Variants in LATS2 observed in about 807,000 individuals in gnomAD.
LATS2 encodes serine/threonine-protein kinase LATS2.
A neutral mutation model predicts 76.0 loss-of-function variants in LATS2; 24 were observed. The ratio of observed to expected loss-of-function variants is 0.32; its 90% CI spans 0.23 to 0.44. The LOEUF (loss-of-function observed/expected upper bound fraction) is 0.44, where lower values mean the gene tolerates loss of function less well. Among genes scored for constraint, LATS2 ranks in the 20% least tolerant of loss-of-function variants. LATS2 has a pLI of 1.00. For missense variants in LATS2, 1,286 were observed against 1,481.2 expected, an observed-to-expected ratio of 0.87 and a Z score of 2.16; for synonymous variants, 692 against 635.4, an observed-to-expected ratio of 1.09 and a Z score of -1.34.
intron 2 of LATS2, among the ~76,000 whole-genome samples, chr13:21,008,098 G>A (rs1483076277): frequency 1.3e-5 from 2 of 151,972 alleles, no homozygotes; most frequent in African/African-American, 2.4e-5. Context: ...GCTCCACCGT[G>A]GGGAGCCAGG....
chr13:21,058,711 A>C (rs1261221892), intron 1 of LATS2, among the ~76,000 whole-genome samples: 2 of 152,346 alleles, frequency 1.3e-5, no homozygotes, highest in Admixed American at 6.5e-5. Flanking sequence ...CAGATACCTT[A>C]AACTGCCTGA....
intron 2 of LATS2, among the ~76,000 whole-genome samples, chr13:21,042,665 C>T (rs1218319924): frequency 6.6e-6 from 1 of 152,060 alleles, no homozygotes; most frequent in African/African-American, 2.4e-5. Flanking sequence ...CCAGACTGTA[C>T]AACAGAGCAA....
chr13:21,029,126 A>T (rs1872424808), intron 2 of LATS2, among the ~76,000 whole-genome samples: 1 of 152,188 alleles, frequency 6.6e-6, no homozygotes. Context: ...CAGAAGATGA[A>T]AGAGGACATC....
At chr13:21,007,699 A>ATATATATATAGTGT (rs1173839566) in intron 2 of LATS2, among the ~76,000 whole-genome samples, 2 of 586 alleles carry the variant, frequency 3.4e-3, no homozygotes, top group Non-Finnish European at 9.0e-3. Flanking sequence ...ATATATATAT[A>ATATATATATAGTGT]GTATGTATAT....
intron 1 of LATS2, among the ~76,000 whole-genome samples, chr13:21,047,446 A>T (rs1269084690): frequency 2.6e-5 from 4 of 152,234 alleles, no homozygotes; most frequent in Non-Finnish European, 4.4e-5. Flanking sequence ...CTGGTGGGAA[A>T]GGCAGGGCCA....
intron 2 of LATS2, among the ~76,000 whole-genome samples, chr13:21,029,593 C>A (rs1419235524): frequency 6.6e-6 from 1 of 151,960 alleles, no homozygotes; most frequent in African/African-American, 2.4e-5. Context: ...GAGTTCGAGA[C>A]CAGCCTGGCC....
intron 1 of LATS2, among the ~76,000 whole-genome samples, chr13:21,050,125 C>T (rs8001415): frequency 0.039 from 2,729 of 70,174 alleles, 489 homozygotes; most frequent in African/African-American, 0.11. Flanking sequence ...GTCTCATAGA[C>T]AGATAGATAG....
intron 5 of LATS2, 25 bp downstream of exon 5, chr13:20,983,199 G>A (rs550073541): frequency 1.2e-4 from 186 of 1,516,740 alleles, no homozygotes; most frequent in South Asian, 8.1e-4. Context: ...CATAGAAAGT[G>A]CATGTGGCAC....
At chr13:21,041,642 C>G (rs1872885715) in intron 2 of LATS2, among the ~76,000 whole-genome samples, 1 of 152,146 alleles carries the variant, frequency 6.6e-6, no homozygotes, top group African/African-American at 2.4e-5. Context: ...AGGTCATCCA[C>G]AGAGAAAAAG....
intron 2 of LATS2, among the ~76,000 whole-genome samples, chr13:21,008,102 A>C (rs1871431571): frequency 6.6e-6 from 1 of 151,876 alleles, no homozygotes. Context: ...CACCGTGGGG[A>C]GCCAGGTATG....
chr13:21,050,604 C>T (rs73445508), intron 1 of LATS2, among the ~76,000 whole-genome samples: 3,375 of 152,282 alleles, frequency 0.022, 105 homozygotes, highest in African/African-American at 0.074. Flanking sequence ...ACTTATGCAT[C>T]CATTCTACCT....
rs1191434405 is a variant in LATS2, at chr13:20,973,154, G to C, written c.*1716C>G. On this transcript the variant is annotated 3_prime_UTR_variant, in exon 8 of 8. Transcript: ENST00000382592. ...GAAAGAACCTACCACATGAAAGTAT[G>C]TCAGAGCGCTGTGAGTAACAACATG... 4.3e-6 allele frequency: 1 copy of C among 232,404 alleles called. No homozygotes were observed. The highest frequency in any genetic ancestry group is 6.1e-5 in the East Asian group (1 of 16,394). 14.4% of individuals were successfully genotyped at this position (232,404 alleles called of 1,614,324 possible). A position where few individuals can be genotyped will look rare whatever the true frequency, so the allele number is the denominator to read the frequency against.
chr13:21,016,285 C>A (rs1295745123), intron 2 of LATS2, among the ~76,000 whole-genome samples: 1 of 151,422 alleles, frequency 6.6e-6, no homozygotes, highest in Admixed American at 6.6e-5. Flanking sequence ...GCGTACCCGG[C>A]CTATTTTTAT....
chr13:21,011,972 A>G (rs1392245775), intron 2 of LATS2, among the ~76,000 whole-genome samples: 2 of 152,150 alleles, frequency 1.3e-5, no homozygotes, highest in Non-Finnish European at 2.9e-5. Flanking sequence ...TAACAAAACC[A>G]ATTTTACCAT....
chr13:20,975,047 G>C lies in LATS2; in HGVS notation c.3090C>G (p.Asn1030Lys). Residue 1030 changes from asparagine to lysine, a missense_variant, in exon 8 of 8, where the codon AAC (asparagine) becomes AAG (lysine). This residue lies in a region of LATS2 where 210 missense variants were observed against 234.9 expected (regional missense o/e 0.89). Transcript: ENST00000382592. ...CGTAAAATGCGTGCTCAGGATGCTT[G>C]TTATTGGGCGAGGTGAGTGTGTCCC... Reference protein sequence around the residue: ...KAWDTLTSPNNKHPEHAFYEF... With the variant: ...KAWDTLTSPNKKHPEHAFYEF... 6.2e-7 allele frequency: 1 copy of C among 1,614,220 alleles called. No homozygotes were observed. The highest frequency in any genetic ancestry group is 8.5e-7 in the Non-Finnish European group (1 of 1,180,040).
chr13:21,005,044 A>G (rs902989294), intron 2 of LATS2: 1 of 152,352 alleles, frequency 6.6e-6, no homozygotes, highest in Non-Finnish European at 1.5e-5. Context: ...GGGAAGGACC[A>G]TGTTGGTCCC....
chr13:20,978,590 AAC>A (rs984518891), intron 7 of LATS2, among the ~76,000 whole-genome samples: 10 of 152,264 alleles, frequency 6.6e-5, no homozygotes, highest in African/African-American at 2.2e-4. Context: ...ACCCTTGAAC[AAC>A]ACAGTTTGAG....
rs1415240235 is a variant in LATS2, at chr13:21,024,087, G to A, written c.342+21598C>T. Among the ~76,000 whole-genome samples, 66 of 115,196 alleles carry A rather than the reference G, an allele frequency of 5.7e-4. 1 individual carries two copies. The highest frequency in any genetic ancestry group is 2.5e-3 in the African/African-American group (64 of 25,920). The allele number at this position is 115,196 out of a possible 152,430, so 75.6% of individuals were successfully genotyped here. A position where few individuals can be genotyped will look rare whatever the true frequency, so the allele number is the denominator to read the frequency against. On this transcript the variant is annotated intron_variant, in intron 2 of 7. Transcript: ENST00000382592. ...TTCCCCAGAAAGGTTAAAGTGTCTC[G>A]CTGTGCAAAAAAAAAAAAAAAAAAA...
chr13:21,031,152 A>G (rs1036722225), intron 2 of LATS2, among the ~76,000 whole-genome samples: 1 of 152,098 alleles, frequency 6.6e-6, no homozygotes, highest in Non-Finnish European at 1.5e-5. Flanking sequence ...TTTGGCTTTC[A>G]TTAGCTTAAA....
Sources: allele counts gnomAD v4.1 joint callset (sites outside exome capture counted in the v4.1 genomes callset), GRCh38; gene constraint gnomAD v4.1.1; regional missense constraint gnomAD v4.1.1; transcripts MANE v1.5; gene names NCBI Gene and HGNC (gene_info 2026-07-23, HGNC 2026-07-21).